Variants in FHIT observed in about 807,000 individuals in gnomAD.
The protein encoded by FHIT is bis(5'-adenosyl)-triphosphatase.
A neutral mutation model predicts 17.9 loss-of-function variants in FHIT; 19 were observed. That is an observed-to-expected ratio of 1.06 (90% CI 0.74 to 1.56). The LOEUF is 1.56. Ranked by LOEUF, FHIT falls within the 40% of genes most tolerant of loss-of-function variation. The pLI is 0.00. For synonymous variants in FHIT, 81 were observed against 69.7 expected (o/e 1.16, Z -0.81); for missense variants, 248 against 189.2 (o/e 1.31, Z -1.82).
intron 7 of FHIT, among the ~76,000 whole-genome samples, chr3:59,990,333 G>A (rs1369572560): frequency 3.9e-5 from 6 of 152,074 alleles, no homozygotes; most frequent in Middle Eastern, 3.4e-3. Context: ...GGCCTCAATC[G>A]GTAGCAATTC....
At chr3:60,328,217 CAG>C (rs1709794030) in intron 5 of FHIT, among the ~76,000 whole-genome samples, 1 of 152,130 alleles carries the variant, frequency 6.6e-6, no homozygotes. Context: ...CAGGAATGAG[CAG>C]AGACAGGGAT....
chr3:60,063,145 AC>A (rs1285679202), intron 5 of FHIT, among the ~76,000 whole-genome samples: 3 of 152,186 alleles, frequency 2.0e-5, no homozygotes, highest in Non-Finnish European at 4.4e-5. Context: ...GACAAAATTC[AC>A]AGAGAAGGTG....
chr3:60,380,195 T>C (rs945181654), intron 5 of FHIT, among the ~76,000 whole-genome samples: 10 of 152,042 alleles, frequency 6.6e-5, no homozygotes, highest in Admixed American at 2.6e-4. Flanking sequence ...AGATCTGTAA[T>C]GAATAGCTTG....
chr3:59,804,974 T>C (rs1174616089), intron 8 of FHIT, among the ~76,000 whole-genome samples: 1 of 152,150 alleles, frequency 6.6e-6, no homozygotes, highest in Non-Finnish European at 1.5e-5. Flanking sequence ...AGTGCTCTAA[T>C]CTTAGAGTCT....
At chr3:60,568,890 G>A (rs2037237529) in intron 4 of FHIT, among the ~76,000 whole-genome samples, 1 of 151,834 alleles carries the variant, frequency 6.6e-6, no homozygotes, top group South Asian at 2.1e-4. Context: ...CATTCCTCTT[G>A]GAAAAGTCAC....
intron 3 of FHIT, among the ~76,000 whole-genome samples, chr3:61,008,150 A>C (rs999357023): frequency 4.6e-5 from 7 of 152,240 alleles, no homozygotes; most frequent in Non-Finnish European, 8.8e-5. Context: ...AAGACCCTGT[A>C]GAAGCAAACA....
At chr3:61,004,626 C>T (rs1456049559) in intron 3 of FHIT, among the ~76,000 whole-genome samples, 1 of 152,170 alleles carries the variant, frequency 6.6e-6, no homozygotes, top group East Asian at 1.9e-4. Flanking sequence ...ACATAGCCAG[C>T]TCAAAGGGAC....
chr3:59,885,492 G>C (rs139882607), intron 8 of FHIT, among the ~76,000 whole-genome samples: 1,884 of 149,236 alleles, frequency 0.013, 52 homozygotes, highest in African/African-American at 0.045. Context: ...TTTGGTCCAA[G>C]CTATTCTGAG....
chr3:60,925,827 GAC>G (rs1553769726), intron 3 of FHIT, among the ~76,000 whole-genome samples: 3 of 152,170 alleles, frequency 2.0e-5, no homozygotes, highest in African/African-American at 7.2e-5. Context: ...CACATGCAGA[GAC>G]ACACATAGGC....
At chr3:60,367,314 C>A (rs961335373) in intron 5 of FHIT, among the ~76,000 whole-genome samples, 13 of 152,136 alleles carry the variant, frequency 8.5e-5, no homozygotes, top group Non-Finnish European at 1.8e-4. Context: ...GGCCCTGGGA[C>A]CAAATAGCTA....
intron 5 of FHIT, among the ~76,000 whole-genome samples, chr3:60,118,836 G>C (rs1433984077): frequency 1.3e-5 from 2 of 148,410 alleles, no homozygotes; most frequent in Non-Finnish European, 3.0e-5. Context: ...GGGCAACACG[G>C]CAAAACTCCA....
intron 1 of FHIT, among the ~76,000 whole-genome samples, chr3:61,241,891 T>C (rs1479911183): frequency 1.3e-5 from 2 of 152,156 alleles, no homozygotes; most frequent in Non-Finnish European, 2.9e-5. Context: ...AAATAAGTGA[T>C]TTTTAACTGC....
intron 5 of FHIT, among the ~76,000 whole-genome samples, chr3:60,169,917 G>C (rs758926829): frequency 2.0e-5 from 3 of 152,172 alleles, no homozygotes; most frequent in Non-Finnish European, 4.4e-5. Context: ...GCTTCAATTG[G>C]CAAGAAAAAG....
intron 1 of FHIT, chr3:61,244,272 C>G (rs1393114307): frequency 6.6e-6 from 1 of 152,122 alleles, no homozygotes; most frequent in Non-Finnish European, 1.5e-5. Context: ...AACTTACAGC[C>G]AAGCCTGAGA....
intron 2 of FHIT, among the ~76,000 whole-genome samples, chr3:61,075,112 T>C (rs772033531): frequency 6.6e-6 from 1 of 152,090 alleles, no homozygotes; most frequent in Non-Finnish European, 1.5e-5. Context: ...TACCAAAAAA[T>C]GTCTTAGCCC....
chr3:60,978,863 C>G (rs1710372138), intron 3 of FHIT, among the ~76,000 whole-genome samples: 1 of 152,172 alleles, frequency 6.6e-6, no homozygotes, highest in Admixed American at 6.5e-5. Context: ...GACTTTGGCT[C>G]TTCCTTAGAT....
intron 5 of FHIT, among the ~76,000 whole-genome samples, chr3:60,501,071 G>A (rs1001347410): frequency 2.6e-5 from 4 of 152,146 alleles, no homozygotes; most frequent in Non-Finnish European, 5.9e-5. Flanking sequence ...GAATTGAAGT[G>A]AACTTGACTC....
chr3:60,948,177 T>A (rs1708719441), intron 3 of FHIT, among the ~76,000 whole-genome samples: 2 of 152,136 alleles, frequency 1.3e-5, no homozygotes, highest in African/African-American at 4.8e-5. Context: ...AGCCTGCAGG[T>A]CTTACAGGCC....
chr3:59,944,772 G>A (rs1706711935), intron 7 of FHIT, among the ~76,000 whole-genome samples: 1 of 152,082 alleles, frequency 6.6e-6, no homozygotes, highest in East Asian at 1.9e-4. Context: ...GTGGGAATAT[G>A]CAGTATTTGG....
Sources: gnomAD v4.1 joint callset for allele counts (sites outside exome capture counted in the v4.1 genomes callset) on GRCh38, gnomAD v4.1.1 for gene constraint, MANE v1.5 for transcripts, NCBI Gene and HGNC (gene_info 2026-07-23, HGNC 2026-07-21) for gene names.